Variants in RAD52 observed in about 807,000 individuals in gnomAD.
RAD52 encodes the protein RAD52 DNA repair protein, also known as DNA repair protein RAD52 homolog.
RAD52 carries 47 observed loss-of-function variants against 55.5 expected under a neutral mutation model. That is an observed-to-expected ratio of 0.85 (90% CI 0.67 to 1.08). The LOEUF is 1.08. Ranked by LOEUF, RAD52 falls within the 50% of genes least tolerant of loss-of-function variation. The pLI is 0.00. For missense variants in RAD52, 468 were observed against 522.8 expected, an observed-to-expected ratio of 0.90 and a Z score of 1.02; for synonymous variants, 184 against 198.9, an observed-to-expected ratio of 0.92 and a Z score of 0.63.
At chr12:944,961 A>C (rs958372991) in intron 1 of RAD52, among the ~76,000 whole-genome samples, 19 of 152,090 alleles carry the variant, frequency 1.2e-4, no homozygotes, top group African/African-American at 4.6e-4. Flanking sequence ...AAGGTCAAGA[A>C]CGGCTTGATG....
chr12:943,600 C>T (rs1040462763), intron 1 of RAD52, among the ~76,000 whole-genome samples: 3 of 152,146 alleles, frequency 2.0e-5, no homozygotes, highest in Non-Finnish European at 4.4e-5. Context: ...CCCCCCGCCT[C>T]GGCCTCCCAA....
intron 5 of RAD52, among the ~76,000 whole-genome samples, chr12:927,587 C>T (rs1443066647): frequency 6.6e-6 from 1 of 152,146 alleles, no homozygotes; most frequent in Non-Finnish European, 1.5e-5. Context: ...GATGGCCGGG[C>T]CGGGCGTGGT....
intron 7 of RAD52, among the ~76,000 whole-genome samples, chr12:922,704 CAT>C (rs1436226737): frequency 2.7e-5 from 4 of 150,552 alleles, no homozygotes; most frequent in African/African-American, 9.7e-5. Flanking sequence ...AAAGTAGACA[CAT>C]ATACCTATAA....
chr12:916,127 G>A, intron 9 of RAD52: 1 of 1,263,454 alleles, frequency 7.9e-7, no homozygotes. Flanking sequence ...TTCCACGGGG[G>A]AAAAAAGAAA....
chr12:938,759 C>T (rs752995990), intron 1 of RAD52, among the ~76,000 whole-genome samples: 5 of 152,196 alleles, frequency 3.3e-5, no homozygotes, highest in South Asian at 2.1e-4. Context: ...AATGAAATTT[C>T]GGATCAGGGA....
chr12:925,313 A>G, intron 7 of RAD52, 137 bp downstream of exon 7: 1 of 745,336 alleles, frequency 1.3e-6, no homozygotes, highest in Non-Finnish European at 2.3e-6. Context: ...CTAACATTCG[A>G]AATCTGAAAT....
chr12:932,561 C>T (rs1334244411), intron 2 of RAD52, among the ~76,000 whole-genome samples: 1 of 152,028 alleles, frequency 6.6e-6, no homozygotes, highest in Non-Finnish European at 1.5e-5. Flanking sequence ...GAGATTTTCA[C>T]AGTTTCATTT....
At chr12:956,899 T>G (rs1463893145) in intron 1 of RAD52, among the ~76,000 whole-genome samples, 2 of 152,182 alleles carry the variant, frequency 1.3e-5, no homozygotes, top group African/African-American at 4.8e-5. Context: ...GTTAGAGTTG[T>G]GGGAAGATTA....
chr12:915,864 A>G (rs993474304), intron 9 of RAD52, among the ~76,000 whole-genome samples: 2 of 152,110 alleles, frequency 1.3e-5, no homozygotes, highest in Admixed American at 6.5e-5. Flanking sequence ...ACAGGCATGC[A>G]CCACCACACC....
rs2154108902 is a variant in RAD52, at chr12:916,726, G to A, written c.638C>T (p.Ala213Val). The A allele has an allele frequency of 1.2e-6, 2 of 1,614,184 alleles. No individual in the cohort carries two copies. Among genetic ancestry groups the A allele is most frequent in the Non-Finnish European group, 1.7e-6 (2 of 1,180,024 alleles). The stretch of plus-strand genomic sequence containing the variant: ...CTGCTGCAGCTGTGGGTGTCCCAGG[G>A]CCATGTTCGGTCGGCAGCTGTTGTA... ...ARYNSCRPNM[A>V]LGHPQLQQVT... The change falls in exon 8 of 12, where the codon GCC (alanine) becomes GTC (valine). Residue 213 changes from alanine (A) to valine (V), a missense_variant. Physicochemically the swap from Ala to Val is moderately conservative, Grantham distance 64. Transcript: ENST00000358495.
Position 930,159 on chromosome 12 carries a change from GT to G in RAD52, c.187-16del. The G allele has an allele frequency of 6.3e-7, 1 of 1,581,648 alleles. No individual in the cohort carries two copies. Among genetic ancestry groups the G allele is most frequent in the South Asian group, 1.1e-5 (1 of 88,614 alleles). ...ATGTAGCACACCTAGAAAAACAAAT[GT>G]TTTTAAGGAAAAGCTGTGTTAATTC... On this transcript the variant is annotated splice_polypyrimidine_tract_variant and intron_variant, in intron 3 of 11. Coordinates refer to ENST00000358495, the MANE Select transcript of RAD52 (RefSeq NM_134424.4).
chr12:974,582 T>A (rs953392171), intron 1 of RAD52: 3 of 152,202 alleles, frequency 2.0e-5, no homozygotes, highest in Admixed American at 1.3e-4. Context: ...GCCTGCTCTG[T>A]GAGAGAAATG....
At chr12:989,924 T>A (rs1254736158) in exon 1 of RAD52, 1 of 151,990 alleles carries the variant, frequency 6.6e-6, no homozygotes, top group Non-Finnish European at 1.5e-5. Context: ...GTCCAAGAAA[T>A]GAAAGGCTGG....
At chr12:920,812 T>G (rs1956687207) in intron 7 of RAD52, among the ~76,000 whole-genome samples, 1 of 152,200 alleles carries the variant, frequency 6.6e-6, no homozygotes, top group Non-Finnish European at 1.5e-5. Context: ...AACAGTCATA[T>G]ACATAACATT....
chr12:947,695 T>C (rs1466248707), intron 1 of RAD52, among the ~76,000 whole-genome samples: 1 of 150,518 alleles, frequency 6.6e-6, no homozygotes, highest in East Asian at 2.0e-4. Flanking sequence ...GAGACCAGCA[T>C]GGCCAACATG....
chr12:934,848 C>A (rs566260094), intron 1 of RAD52, among the ~76,000 whole-genome samples: 1 of 152,138 alleles, frequency 6.6e-6, no homozygotes, highest in South Asian at 2.1e-4. Context: ...TGTGGTGGCT[C>A]ACACCTGTAA....
chr12:954,158 T>A (rs748441858), upstream of RAD52, among the ~76,000 whole-genome samples: 6 of 152,234 alleles, frequency 3.9e-5, no homozygotes, highest in Non-Finnish European at 7.3e-5. Context: ...GCTGTTCATA[T>A]CATTCACCCA....
At chr12:962,546 A>T (rs1235419677) in intron 1 of RAD52, among the ~76,000 whole-genome samples, 1 of 149,108 alleles carries the variant, frequency 6.7e-6, no homozygotes, top group Admixed American at 6.7e-5. Context: ...ATAGGGTTTC[A>T]TCTTGTTAGG....
rs144413198 is a variant in RAD52 at position 957,672 on chromosome 12, C to T, written c.-18-24596G>A. ...GGCTGTGGTGGCACACACCTGTGGT[C>T]CCAGCTACTTTGGAGGCTGAAGCAC... On this transcript the variant is annotated intron_variant, in intron 1 of 11. Transcript: ENST00000430095. Among the ~76,000 whole-genome samples, 1,273 of 152,010 alleles carry T rather than the reference C, an allele frequency of 8.4e-3. 24 individuals carry two copies. Among genetic ancestry groups the T allele is most frequent in the African/African-American group, 0.029 (1,209 of 41,444 alleles).
Sources: allele counts gnomAD v4.1 joint callset (sites outside exome capture counted in the v4.1 genomes callset), GRCh38; gene constraint gnomAD v4.1.1; transcripts MANE v1.5; gene names NCBI Gene and HGNC (gene_info 2026-07-23, HGNC 2026-07-21).